ATG2A: variants seen among roughly 807,000 people sequenced by gnomAD.
The protein encoded by ATG2A is autophagy related 2A.
ATG2A carries 103 observed loss-of-function variants against 214.2 expected under a neutral mutation model. The observed-to-expected ratio is 0.48, with a 90% CI of 0.41 to 0.57. ATG2A has a LOEUF of 0.57. ATG2A is among the 20% of genes least tolerant of loss of function. ATG2A has a pLI of 0.00. For missense variants in ATG2A, 2,312 were observed against 2,613.2 expected, an observed-to-expected ratio of 0.88 and a Z score of 2.51; for synonymous variants, 1,160 against 1,142.1, an observed-to-expected ratio of 1.02 and a Z score of -0.32.
At chr11:64,897,593 G>A in intron 36 of ATG2A, 78 bp downstream of exon 36, 1 of 1,607,974 alleles carries the variant, frequency 6.2e-7, no homozygotes, top group Non-Finnish European at 8.5e-7. Flanking sequence ...AACAGTGCCT[G>A]GATGCAAGAC....
At position 64,909,902 on chromosome 11, in the gene ATG2A, T is replaced by C. The variant is rs765895189; in HGVS notation, c.1886A>G (p.Glu629Gly). The change falls in exon 14 of 41, where the codon GAG becomes GGG. Residue 629 changes from glutamate (E) to glycine (G), a missense_variant. Glu to Gly is a moderately conservative substitution (Grantham distance 98). Transcript: ENST00000377264. ...AGAGAGCCGAAATACCGTCTGCTGC[T>C]CCATCGCCGGCAGGGGCTCTGTCTG... ...GLLTEPLPAMEQQTVFRLSAP... is the reference protein window; with the variant it reads ...GLLTEPLPAMGQQTVFRLSAP... The C allele has an allele frequency of 6.2e-7, 1 of 1,603,808 alleles. No homozygotes were observed. The highest frequency in any genetic ancestry group is 8.5e-7 in the Non-Finnish European group (1 of 1,175,614).
rs973206985 is a variant in ATG2A at position 64,895,119 on chromosome 11, G to A, written c.5671C>T (p.Arg1891Cys). Reference protein sequence around the residue: ...GLTGAVGGVIRQLPPTVVKPL... With the variant: ...GLTGAVGGVICQLPPTVVKPL... Reference sequence around the variant, plus strand: ...TTCACCACAGTCGGGGGCAGCTGGCGGATCACGCCCCCCACGGCGCCCGTC... The same window carrying A: ...TTCACCACAGTCGGGGGCAGCTGGCAGATCACGCCCCCCACGGCGCCCGTC... The change falls in exon 41 of 41, where the codon CGC becomes TGC. Residue 1891 changes from arginine (R) to cysteine (C), a missense_variant. By Grantham distance (180) the Arg-to-Cys change is radical. Coordinates refer to ENST00000377264, the MANE Select transcript of ATG2A (RefSeq NM_015104.3). The surrounding 1 kb of genome is among the most constrained non-coding windows in gnomAD (Gnocchi z 5.0). 35 of 1,612,932 alleles carry A rather than the reference G, an allele frequency of 2.2e-5. No individual in the cohort carries two copies. The highest frequency in any genetic ancestry group is 2.9e-5 in the Non-Finnish European group (34 of 1,179,804).
intron 29 of ATG2A, among the ~76,000 whole-genome samples, chr11:64,901,567 G>T (rs1224879013): frequency 6.6e-6 from 1 of 152,094 alleles, no homozygotes; most frequent in East Asian, 1.9e-4. Flanking sequence ...TCCAAGAGGA[G>T]CCTGAGAATG....
intron 13 of ATG2A, 36 bp from the exon 14 acceptor site, chr11:64,909,960 G>T: frequency 6.3e-7 from 1 of 1,580,594 alleles, no homozygotes. Context: ...AGCCGTCGGA[G>T]CCCCTCCCAC....
chr11:64,896,517 G>C lies in ATG2A; in HGVS notation c.5372C>G (p.Ser1791Ter), dbSNP rs1431406374. The C allele has an allele frequency of 6.2e-7, 1 of 1,613,856 alleles. No homozygotes were observed. The highest frequency in any genetic ancestry group is 8.5e-7 in the Non-Finnish European group (1 of 1,179,942). The change falls in exon 39 of 41, where the codon TCA (serine) becomes TGA (stop). Residue 1791 changes from serine (S) to a stop codon, truncating the protein, a stop_gained. Transcript: ENST00000377264. LOFTEE classifies it high-confidence loss of function. Reference sequence around the variant, plus strand: ...TTCCAGGGCGGCAGAGGCTGTGGATGAGCCAAAGGAGGCAGCCCCTCGCTG... The same window carrying C: ...TTCCAGGGCGGCAGAGGCTGTGGATCAGCCAAAGGAGGCAGCCCCTCGCTG... Reference protein sequence around the residue: ...GLQRGAASFGSSTASAALELS... With the variant: ...GLQRGAASFG
intron 19 of ATG2A, 72 bp downstream of exon 19, chr11:64,907,183 T>C: frequency 7.0e-7 from 1 of 1,430,902 alleles, no homozygotes; most frequent in Non-Finnish European, 9.2e-7. Context: ...CTGGAGCTGC[T>C]CGCGCTGGTC....
Position 64,903,760 on chromosome 11 carries a change from G to T in ATG2A, c.3465-100C>A. ...TCCCAAGCCCACAGGAGGTGGTATG[G>T]ACAGGCCCCTCCAGCCTCAGCGTTC... On this transcript the variant is annotated intron_variant, in intron 24 of 40. Coordinates refer to ENST00000377264, the MANE Select transcript of ATG2A (RefSeq NM_015104.3). This position sits in a 1 kb window ranked among gnomAD's most constrained non-coding sequence, Gnocchi z 4.2. 1 of 1,159,486 alleles carries T rather than the reference G, an allele frequency of 8.6e-7. No homozygotes were observed. The highest frequency in any genetic ancestry group is 1.5e-5 in the South Asian group (1 of 65,040). 71.8% of individuals were successfully genotyped at this position (1,159,486 alleles called of 1,614,324 possible). A position where few individuals can be genotyped will look rare whatever the true frequency, so the allele number is the denominator to read the frequency against.
At chr11:64,912,865 T>C in intron 6 of ATG2A, 173 bp downstream of exon 6, 1 of 598,296 alleles carries the variant, frequency 1.7e-6, no homozygotes, top group Non-Finnish European at 2.9e-6. Context: ...AGTGCTGGGA[T>C]TACAGGTGTG....
Position 64,898,321 on chromosome 11 carries a change from C to T in ATG2A, c.4713G>A (p.Leu1571=), listed in dbSNP as rs1335705939. 6.2e-7 allele frequency: 1 copy of T among 1,611,494 alleles called. No homozygotes were observed. The highest frequency in any genetic ancestry group is 2.2e-5 in the East Asian group (1 of 44,840). The change falls in exon 33 of 41, where the codon CTG becomes CTA. Residue 1571 remains leucine (L), a synonymous_variant. Transcript: ENST00000377264. This position sits in a 1 kb window ranked among gnomAD's most constrained non-coding sequence, Gnocchi z 4.5. Reference sequence around the variant, plus strand: ...CGCGGAGACAGCACTCAGGCCCACCCAGGTTGGTAGTGGGGGCCACATGCA... The same window carrying T: ...CGCGGAGACAGCACTCAGGCCCACCTAGGTTGGTAGTGGGGGCCACATGCA... ...KALHVAPTTN[L]GGPECCLRVS...
At chr11:64,910,767 T>A (rs752229184) in intron 11 of ATG2A, 40 bp downstream of exon 11, 54 of 1,610,200 alleles carry the variant, frequency 3.4e-5, no homozygotes, top group Non-Finnish European at 4.5e-5. Flanking sequence ...CACCCAAACC[T>A]CCAGACCCCG....
In ATG2A at chr11:64,911,024, C is replaced by A. The variant is rs767030498; in HGVS notation, c.1466+14G>T. The A allele has an allele frequency of 8.1e-6, 13 of 1,613,782 alleles. No individual in the cohort carries two copies. The highest frequency in any genetic ancestry group is 1.0e-5 in the Non-Finnish European group (12 of 1,180,042). On this transcript the variant is annotated intron_variant, in intron 10 of 40. Coordinates refer to ENST00000377264, the MANE Select transcript of ATG2A (RefSeq NM_015104.3). ...CTGATGGTCTCTCCTCAGGCCCTGG[C>A]CTCGGGCTTATACCGAACATGGCTA...
Position 64,909,349 on chromosome 11 carries a change from C to T in ATG2A, c.2126G>A (p.Gly709Glu). 1.2e-6 allele frequency: 2 copies of T among 1,613,312 alleles called. No individual in the cohort carries two copies. Among genetic ancestry groups the T allele is most frequent in the Non-Finnish European group, 1.7e-6 (2 of 1,179,968 alleles). Residue 709 changes from glycine to glutamate, a missense_variant, in exon 15 of 41, where the codon GGG (glycine) becomes GAG (glutamate). By Grantham distance (98) the Gly-to-Glu change is moderately conservative. Coordinates refer to ENST00000377264, the MANE Select transcript of ATG2A (RefSeq NM_015104.3). ...SDLHGIYEDG[G>E]KPPVPCLRVS... ...ACGCAGGCAAGGGACAGGTGGCTTC[C>T]CTCCATCTTCATAGATACCTGGAGG...
Position 64,914,150 on chromosome 11 carries a change from G to T in ATG2A, c.418C>A (p.Leu140Ile). ...TGTGGTGGCTCAGAGGGCTCCGGTAGCCCATCCCGCAGACACTCCTGGGCC... is the reference window on the plus strand; with the variant it reads ...TGTGGTGGCTCAGAGGGCTCCGGTATCCCATCCCGCAGACACTCCTGGGCC... ...QLAQECLRDG[L>I]PEPSEPPQPL... Residue 140 changes from leucine (L) to isoleucine (I), a missense_variant, in exon 3 of 41, where the codon CTA (leucine) becomes ATA (isoleucine). Coordinates refer to ENST00000377264, the MANE Select transcript of ATG2A (RefSeq NM_015104.3). 6.4e-7 allele frequency: 1 copy of T among 1,552,650 alleles called. No individual in the cohort carries two copies. The highest frequency in any genetic ancestry group is 1.2e-5 in the South Asian group (1 of 84,190).
Position 64,913,867 on chromosome 11 carries a change from G to C in ATG2A, c.544C>G (p.Pro182Ala), listed in dbSNP as rs1217910539. 2.5e-6 allele frequency: 4 copies of C among 1,613,980 alleles called. No homozygotes were observed. The highest frequency in any genetic ancestry group is 2.5e-6 in the Non-Finnish European group (3 of 1,180,018). Reference sequence around the variant, plus strand: ...GCCACACCACGTTCCCCATCACCCGGAGAGTGCTCCACCCTCACGACAGTG... The same window carrying C: ...GCCACACCACGTTCCCCATCACCCGCAGAGTGCTCCACCCTCACGACAGTG... ...LDTVVRVEHS[P>A]GDGERGVAVE... The change falls in exon 4 of 41, where the codon CCG (proline) becomes GCG (alanine). Residue 182 changes from proline (P) to alanine (A), a missense_variant. Physicochemically the swap from Pro to Ala is conservative, Grantham distance 27. Coordinates refer to ENST00000377264, the MANE Select transcript of ATG2A (RefSeq NM_015104.3). This position sits in a 1 kb window ranked among gnomAD's most constrained non-coding sequence, Gnocchi z 4.3.
At chr11:64,902,709 A>G (rs371859608) in intron 26 of ATG2A, 29 bp from the exon 27 acceptor site, 5 of 1,596,104 alleles carry the variant, frequency 3.1e-6, no homozygotes, top group East Asian at 2.2e-5. Flanking sequence ...GGGAGCAGCT[A>G]TGTGAACACA....
intron 1 of ATG2A, 163 bp downstream of exon 1, chr11:64,916,802 T>G: frequency 2.2e-6 from 2 of 909,036 alleles, no homozygotes; most frequent in East Asian, 2.7e-5. Context: ...GGTAAGGAAC[T>G]GAAGAGGCCA....
In ATG2A at chr11:64,898,977, G is replaced by A. The variant is rs748063592; in HGVS notation, c.4465-135C>T. On this transcript the variant is annotated intron_variant, in intron 31 of 40. Transcript: ENST00000377264. The surrounding 1 kb of genome is among the most constrained non-coding windows in gnomAD (Gnocchi z 4.5). ...CGCCCAGGTTGGAGTGCAGTGGCGT[G>A]ATCTCGGCTCACTGCAACCTCTGCC... The A allele has an allele frequency of 1.3e-5, 10 of 788,310 alleles. No individual in the cohort carries two copies. Among genetic ancestry groups the A allele is most frequent in the Non-Finnish European group, 2.0e-5 (10 of 501,926 alleles). The allele number at this position is 788,310 out of a possible 1,614,324, so 48.8% of individuals were successfully genotyped here.
Position 64,902,498 on chromosome 11 carries a change from G to T in ATG2A, c.3777+18C>A, listed in dbSNP as rs1275371069. ...TGGCCGAGCTCTGGTAGCCTGTGTG[G>T]CCAGGCCTCACCTGTACCTTCTGGC... is the stretch of plus-strand genomic sequence containing the variant. On this transcript the variant is annotated intron_variant, in intron 27 of 40. Coordinates refer to ENST00000377264, the MANE Select transcript of ATG2A (RefSeq NM_015104.3). 2 of 1,539,956 alleles carry T rather than the reference G, an allele frequency of 1.3e-6. No individual in the cohort carries two copies. The highest frequency in any genetic ancestry group is 1.7e-6 in the Non-Finnish European group (2 of 1,142,900).
chr11:64,906,466 C>A lies in ATG2A; in HGVS notation c.3051G>T (p.Leu1017=). 6.2e-7 allele frequency: 1 copy of A among 1,613,344 alleles called. No homozygotes were observed. The change falls in exon 21 of 41, where the codon CTG becomes CTT. Residue 1017 remains leucine, a synonymous_variant. Coordinates refer to ENST00000377264, the MANE Select transcript of ATG2A (RefSeq NM_015104.3). ...CCTCCGATGGGTAGATGGTTGGGGCCAGCTGAGCCGGGGGAGCGAAACTGG... is the reference window on the plus strand; with the variant it reads ...CCTCCGATGGGTAGATGGTTGGGGCAAGCTGAGCCGGGGGAGCGAAACTGG... ...DLPSFAPPAQ[L]APTIYPSEEG...
Sources: allele counts gnomAD v4.1 joint callset (sites outside exome capture counted in the v4.1 genomes callset), GRCh38; gene constraint gnomAD v4.1.1; non-coding constraint Gnocchi (gnomAD v3.1); transcripts MANE v1.5; gene names NCBI Gene and HGNC (gene_info 2026-07-23, HGNC 2026-07-21).